Variants in RALYL observed in about 807,000 individuals in gnomAD.
RALYL encodes the protein RALY RNA binding protein like, also known as RNA-binding Raly-like protein.
RALYL carries 29 observed loss-of-function variants against 35.1 expected under a neutral mutation model. The observed-to-expected ratio is 0.83, with a 90% confidence interval of 0.61 to 1.13. The LOEUF is 1.13. Among genes scored for constraint, RALYL ranks in the 50% most tolerant of loss-of-function variants. The probability of loss-of-function intolerance (pLI) is 0.00; values close to 1 mark genes in which losing one functional copy is unlikely to be tolerated. For missense variants in RALYL, 359 were observed against 360.4 expected, an observed-to-expected ratio of 1.00 and a Z score of 0.03; for synonymous variants, 120 against 127.6, an observed-to-expected ratio of 0.94 and a Z score of 0.40.
intron 2 of RALYL, among the ~76,000 whole-genome samples, chr8:84,755,888 T>A (rs1446138200): frequency 6.7e-6 from 1 of 148,774 alleles, no homozygotes; most frequent in Non-Finnish European, 1.5e-5. Context: ...AAAAAAAAAA[T>A]CCTCTTACCA....
intron 6 of RALYL, chr8:84,864,768 GCCC>G: frequency 1.7e-6 from 1 of 605,894 alleles, no homozygotes; most frequent in Non-Finnish European, 3.1e-6. Context: ...GAAAACAGGG[GCCC>G]CTGGGCCTGC....
chr8:84,349,357 C>T (rs916558616), intron 1 of RALYL, among the ~76,000 whole-genome samples: 4 of 150,348 alleles, frequency 2.7e-5, no homozygotes, highest in East Asian at 1.9e-4. Flanking sequence ...GAGTACTTCA[C>T]GTAGATTATA....
At chr8:84,219,640 C>T (rs1191184906) in intron 1 of RALYL, among the ~76,000 whole-genome samples, 1 of 151,782 alleles carries the variant, frequency 6.6e-6, no homozygotes, top group African/African-American at 2.4e-5. Flanking sequence ...AAAAGGAAAT[C>T]ATATTTCTTT....
At chr8:84,638,867 CATAAATATAT>C (rs1471417719) in intron 2 of RALYL, among the ~76,000 whole-genome samples, 1,050 of 102,008 alleles carry the variant, frequency 0.01, 42 homozygotes, top group Admixed American at 0.014. Flanking sequence ...CTAATGCACG[CATAAATATAT>C]ATATATATAT....
At chr8:84,361,674 C>A (rs957229123) in intron 1 of RALYL, among the ~76,000 whole-genome samples, 2 of 151,990 alleles carry the variant, frequency 1.3e-5, no homozygotes, top group African/African-American at 4.8e-5. Context: ...CACACAAGGC[C>A]AAATGTGGGG....
At position 84,839,410 on chromosome 8, in the gene RALYL, G is replaced by A. The variant is rs181560349; in HGVS notation, c.366-10570G>A. 3.0e-4 allele frequency among the ~76,000 whole-genome samples: 46 copies of A among 152,348 alleles called. No individual in the cohort carries two copies. In the East Asian group the frequency reaches 6.8e-3, roughly 22 times the overall value. On this transcript the variant is annotated intron_variant, in intron 4 of 8. Coordinates refer to ENST00000521268, the MANE Select transcript of RALYL (RefSeq NM_173848.7). ...TGAGATCAAACTGAAAGGGGGCAGC[G>A]AAGCTGGGGGAGGGATGCCCGCCAT...
At chr8:84,312,807 G>A (rs1464291987) in intron 1 of RALYL, among the ~76,000 whole-genome samples, 1 of 152,222 alleles carries the variant, frequency 6.6e-6, no homozygotes, top group East Asian at 1.9e-4. Context: ...CATGGTGCAA[G>A]CTGTCAGAGG....
At chr8:84,861,691 G>A (rs1047297559) in intron 5 of RALYL, among the ~76,000 whole-genome samples, 1 of 152,152 alleles carries the variant, frequency 6.6e-6, no homozygotes, top group Non-Finnish European at 1.5e-5. Context: ...CATTCAAACT[G>A]TCTCCTTTTG....
At chr8:84,749,130 A>G (rs1413984157) in intron 2 of RALYL, among the ~76,000 whole-genome samples, 4 of 152,206 alleles carry the variant, frequency 2.6e-5, no homozygotes, top group Non-Finnish European at 2.9e-5. Context: ...TGTTCAAAAA[A>G]TGCAGATTGA....
chr8:84,278,820 C>G (rs1835942776), intron 1 of RALYL, among the ~76,000 whole-genome samples: 1 of 152,202 alleles, frequency 6.6e-6, no homozygotes. Context: ...AGCCATTCAA[C>G]AAGTCTCTAG....
chr8:84,379,798 T>G (rs1316684812), intron 1 of RALYL, among the ~76,000 whole-genome samples: 3 of 151,598 alleles, frequency 2.0e-5, no homozygotes, highest in Admixed American at 6.6e-5. Flanking sequence ...GAGAAAAAAT[T>G]GCTTTTATCC....
chr8:84,422,036 T>C (rs2045689360), intron 1 of RALYL, among the ~76,000 whole-genome samples: 1 of 152,160 alleles, frequency 6.6e-6, no homozygotes, highest in South Asian at 2.1e-4. Flanking sequence ...CTGCCTGACT[T>C]TGGTATCAGG....
chr8:84,764,194 G>C (rs1813348011), intron 2 of RALYL, among the ~76,000 whole-genome samples: 1 of 152,174 alleles, frequency 6.6e-6, no homozygotes, highest in Non-Finnish European at 1.5e-5. Context: ...TGTTCCCAAA[G>C]TGTGAAGGCT....
At chr8:84,444,909 G>A (rs917034863) in intron 1 of RALYL, among the ~76,000 whole-genome samples, 17 of 152,178 alleles carry the variant, frequency 1.1e-4, no homozygotes, top group Middle Eastern at 3.4e-3. Flanking sequence ...CTATTCTTTT[G>A]AGAACTTAGA....
chr8:84,288,803 A>G (rs1340759844), intron 1 of RALYL, among the ~76,000 whole-genome samples: 1 of 152,192 alleles, frequency 6.6e-6, no homozygotes. Flanking sequence ...AGTAATTAGT[A>G]TAATTAGATA....
At chr8:84,411,454 A>G (rs1209450737) in intron 1 of RALYL, among the ~76,000 whole-genome samples, 1 of 151,456 alleles carries the variant, frequency 6.6e-6, no homozygotes, top group African/African-American at 2.4e-5. Flanking sequence ...TAACCAGATG[A>G]TCTCAAATCC....
At chr8:84,380,460 T>C (rs1857754125) in intron 1 of RALYL, among the ~76,000 whole-genome samples, 1 of 151,918 alleles carries the variant, frequency 6.6e-6, no homozygotes, top group South Asian at 2.1e-4. Flanking sequence ...GAGAGGATAC[T>C]GTTTCCACCT....
chr8:84,638,871 A>C (rs10098906), intron 2 of RALYL, among the ~76,000 whole-genome samples: 1 of 86,278 alleles, frequency 1.2e-5, no homozygotes, highest in African/African-American at 7.6e-5. Context: ...TGCACGCATA[A>C]ATATATATAT....
intron 1 of RALYL, among the ~76,000 whole-genome samples, chr8:84,380,044 A>G (rs534076866): frequency 1.3e-5 from 2 of 148,956 alleles, no homozygotes; most frequent in South Asian, 2.1e-4. Flanking sequence ...GGTAGACTAT[A>G]TGCTTCTCAA....
Sources: gnomAD v4.1 joint callset for allele counts (sites outside exome capture counted in the v4.1 genomes callset) on GRCh38, gnomAD v4.1.1 for gene constraint, MANE v1.5 for transcripts, NCBI Gene and HGNC (gene_info 2026-07-23, HGNC 2026-07-21) for gene names.